The following ABCG2 variants were observed in gnomAD, a reference collection of about 807,000 sequenced individuals.
The protein encoded by ABCG2 is ATP binding cassette subfamily G member 2 (JR blood group), also known as broad substrate specificity ATP-binding cassette transporter ABCG2.
In ABCG2, 80 loss-of-function variants were observed where a neutral mutation model predicts 73.5. The ratio of observed to expected loss-of-function variants is 1.09; its 90% confidence interval spans 0.91 to 1.31. ABCG2 has a LOEUF of 1.31. ABCG2 is among the 50% of genes most tolerant of loss of function. ABCG2 has a pLI of 0.00. For synonymous variants in ABCG2, 269 were observed against 282.4 expected, an observed-to-expected ratio of 0.95 and a Z score of 0.48; for missense variants, 796 against 786.2, an observed-to-expected ratio of 1.01 and a Z score of -0.15.
intron 1 of ABCG2, among the ~76,000 whole-genome samples, chr4:88,144,398 T>C (rs1725834106): frequency 6.6e-6 from 1 of 151,964 alleles, no homozygotes; most frequent in African/African-American, 2.4e-5. Flanking sequence ...ACCTATGTCA[T>C]TCATACCTCG....
intron 9 of ABCG2, among the ~76,000 whole-genome samples, chr4:88,109,051 T>C (rs1722947674): frequency 1.3e-5 from 2 of 149,098 alleles, no homozygotes; most frequent in South Asian, 4.2e-4. Context: ...CTGGCTGGAG[T>C]GCAATGGCGC....
chr4:88,124,151 T>C (rs1488972758), intron 5 of ABCG2, among the ~76,000 whole-genome samples: 2 of 151,834 alleles, frequency 1.3e-5, no homozygotes, highest in African/African-American at 2.4e-5. Flanking sequence ...CTTTCAAGAG[T>C]TCCTCAAGGA....
At chr4:88,115,256 C>CTCTCTCTCTCTCTCTCTATA (rs1309360818) in intron 7 of ABCG2, among the ~76,000 whole-genome samples, 198 bp from the exon 8 acceptor site, 65 of 69,838 alleles carry the variant, frequency 9.3e-4, no homozygotes, top group African/African-American at 2.9e-3. Flanking sequence ...CTCTCTCTCT[C>CTCTCTCTCTCTCTCTCTATA]TATATATATA....
intron 1 of ABCG2, among the ~76,000 whole-genome samples, chr4:88,185,091 G>T (rs1728398669): frequency 6.6e-6 from 1 of 152,102 alleles, no homozygotes; most frequent in Non-Finnish European, 1.5e-5. Context: ...GGATGGGCGA[G>T]GTGGCTCACA....
intron 1 of ABCG2, among the ~76,000 whole-genome samples, chr4:88,211,369 C>CCCCCCCCT (rs1729591312): frequency 7.7e-6 from 1 of 129,130 alleles, no homozygotes; most frequent in African/African-American, 2.7e-5. Context: ...CCCCACCCCC[C>CCCCCCCCT]CCCACTTTTG....
intron 1 of ABCG2, among the ~76,000 whole-genome samples, chr4:88,165,382 C>T (rs1205761297): frequency 3.9e-5 from 6 of 152,170 alleles, no homozygotes; most frequent in Non-Finnish European, 8.8e-5. Context: ...GGAACCTTTT[C>T]AATCTTGTAG....
intron 2 of ABCG2, among the ~76,000 whole-genome samples, chr4:88,133,958 A>T (rs1388042811): frequency 1.3e-5 from 2 of 151,894 alleles, no homozygotes; most frequent in African/African-American, 4.8e-5. Flanking sequence ...AGATCACGTC[A>T]TTGTACTCCA....
intron 9 of ABCG2, among the ~76,000 whole-genome samples, chr4:88,111,454 T>C (rs922762114): frequency 3.3e-5 from 5 of 152,294 alleles, no homozygotes; most frequent in South Asian, 4.1e-4. Flanking sequence ...ATACAAGCTC[T>C]TAGATAAATT....
intron 1 of ABCG2, among the ~76,000 whole-genome samples, chr4:88,149,011 C>T (rs1344510954): frequency 6.6e-6 from 1 of 152,112 alleles, no homozygotes; most frequent in East Asian, 1.9e-4. Context: ...CATTTACATT[C>T]CCACAAAAAT....
At chr4:88,134,726 A>T (rs1578213705) in intron 2 of ABCG2, among the ~76,000 whole-genome samples, 2 of 152,338 alleles carry the variant, frequency 1.3e-5, no homozygotes, top group East Asian at 3.9e-4. Context: ...AGCTTGGCTT[A>T]CTACTTTGGG....
chr4:88,115,471 A>T (rs1361177399), intron 7 of ABCG2, among the ~76,000 whole-genome samples: 1 of 149,968 alleles, frequency 6.7e-6, no homozygotes, highest in African/African-American at 2.4e-5. Flanking sequence ...TTCAGTAGAG[A>T]CACAGCTTTG....
intron 6 of ABCG2, among the ~76,000 whole-genome samples, chr4:88,120,213 C>G (rs1723873860): frequency 6.6e-6 from 1 of 152,174 alleles, no homozygotes; most frequent in Non-Finnish European, 1.5e-5. Context: ...CCTGGATGTC[C>G]AGGCAAAAGT....
intron 1 of ABCG2, among the ~76,000 whole-genome samples, chr4:88,216,882 T>C (rs1037522955): frequency 1.3e-5 from 2 of 151,668 alleles, no homozygotes; most frequent in African/African-American, 4.8e-5. Flanking sequence ...AATACAAAAA[T>C]TAGCTGGGCG....
chr4:88,173,249 G>A (rs1021270631), intron 1 of ABCG2, among the ~76,000 whole-genome samples: 2 of 152,072 alleles, frequency 1.3e-5, no homozygotes, highest in Non-Finnish European at 2.9e-5. Flanking sequence ...GCCAATCTTT[G>A]TTTCATTGAT....
intron 1 of ABCG2, among the ~76,000 whole-genome samples, chr4:88,207,315 T>C (rs978857872): frequency 6.6e-6 from 1 of 152,170 alleles, no homozygotes; most frequent in African/African-American, 2.4e-5. Flanking sequence ...TTTTTTTAAA[T>C]AACATTTTAA....
chr4:88,169,652 CACAA>C (rs998965605), intron 1 of ABCG2, among the ~76,000 whole-genome samples: 9 of 152,100 alleles, frequency 5.9e-5, no homozygotes, highest in African/African-American at 9.7e-5. Context: ...CTCCAAACGG[CACAA>C]ACAAACCAGA....
intron 13 of ABCG2, among the ~76,000 whole-genome samples, chr4:88,096,750 T>TAA (rs4148164): frequency 6.9e-6 from 1 of 145,306 alleles, no homozygotes; most frequent in African/African-American, 2.5e-5. Flanking sequence ...AAGTAACCAT[T>TAA]AAAAAAAAAA....
chr4:88,149,761 G>A (rs1464501928), intron 1 of ABCG2, among the ~76,000 whole-genome samples: 1 of 152,206 alleles, frequency 6.6e-6, no homozygotes, highest in Non-Finnish European at 1.5e-5. Flanking sequence ...TGAGGCAGGA[G>A]AACTGCTTGA....
rs1478942172 is a variant in ABCG2 at position 88,090,273 on chromosome 4, A to AAT, written c.*1960_*1961insAT. On this transcript the variant is annotated 3_prime_UTR_variant, in exon 16 of 16. Coordinates refer to ENST00000237612, the MANE Select transcript of ABCG2 (RefSeq NM_004827.3). ...AAAAGAATACATAAAATAGGATATA[A>AAT]TTAAATTCTCATTTATTTAAAAAGT... 3 of 152,122 alleles carry AAT rather than the reference A, an allele frequency of 2.0e-5. No individual in the cohort carries two copies. The highest frequency in any genetic ancestry group is 4.4e-5 in the Non-Finnish European group (3 of 68,036). The allele number at this position is 152,122 out of a possible 1,614,324, so 9.4% of individuals were successfully genotyped here.
Sources: gnomAD v4.1 joint callset for allele counts (sites outside exome capture counted in the v4.1 genomes callset) on GRCh38, gnomAD v4.1.1 for gene constraint, MANE v1.5 for transcripts, NCBI Gene and HGNC (gene_info 2026-07-23, HGNC 2026-07-21) for gene names.